Variants in CDC42BPA observed in about 807,000 individuals in gnomAD.
CDC42BPA encodes the protein serine/threonine-protein kinase MRCK alpha.
CDC42BPA carries 80 observed loss-of-function variants against 223.5 expected under a neutral mutation model. That is an observed-to-expected ratio of 0.36 (90% CI 0.30 to 0.43). CDC42BPA has a LOEUF of 0.43. CDC42BPA is among the 20% of genes least tolerant of loss of function. CDC42BPA has a pLI of 1.00. For missense variants in CDC42BPA, 1,743 were observed against 2,099.9 expected, an observed-to-expected ratio of 0.83 and a Z score of 3.32; for synonymous variants, 694 against 718.6, an observed-to-expected ratio of 0.97 and a Z score of 0.55.
chr1:227,069,205 A>C (rs965760035), intron 21 of CDC42BPA: 10 of 152,164 alleles, frequency 6.6e-5, no homozygotes, highest in African/African-American at 2.4e-4. Context: ...ACTGAGACAA[A>C]AATATACTTG....
chr1:227,272,287 C>T (rs1055848442), intron 1 of CDC42BPA, among the ~76,000 whole-genome samples: 2 of 152,144 alleles, frequency 1.3e-5, no homozygotes, highest in Non-Finnish European at 2.9e-5. Context: ...AAGTAACCTA[C>T]ATATACCACA....
intron 12 of CDC42BPA, among the ~76,000 whole-genome samples, chr1:227,118,750 TG>T (rs1445636084): frequency 1.3e-5 from 2 of 152,016 alleles, no homozygotes; most frequent in Non-Finnish European, 2.9e-5. Context: ...CCAATAAAAA[TG>T]GTAAACCATT....
intron 1 of CDC42BPA, among the ~76,000 whole-genome samples, chr1:227,309,678 A>G (rs932669460): frequency 7.9e-5 from 12 of 152,250 alleles, no homozygotes; most frequent in Admixed American, 6.5e-4. Context: ...CAACATCTAC[A>G]GTAATGAAAG....
chr1:227,036,407 A>G (rs1432963778), intron 24 of CDC42BPA, among the ~76,000 whole-genome samples: 18 of 148,526 alleles, frequency 1.2e-4, no homozygotes, highest in Admixed American at 1.1e-3. Flanking sequence ...GTCATCACAC[A>G]CAACTTCAAT....
At chr1:227,040,264 A>G in intron 23 of CDC42BPA, 28 bp from the exon 24 acceptor site, 1 of 1,395,642 alleles carries the variant, frequency 7.2e-7, no homozygotes, top group Non-Finnish European at 1.0e-6. Flanking sequence ...AAAAAAACAC[A>G]CAGATTGTTT....
intron 18 of CDC42BPA, 63 bp downstream of exon 18, chr1:227,074,196 A>G: frequency 7.2e-7 from 1 of 1,385,326 alleles, no homozygotes; most frequent in Admixed American, 1.9e-5. Flanking sequence ...GATTTATTAT[A>G]GTGTTTTTTA....
intron 12 of CDC42BPA, among the ~76,000 whole-genome samples, chr1:227,119,088 C>A (rs760798695): frequency 5.9e-5 from 9 of 152,100 alleles, no homozygotes; most frequent in Non-Finnish European, 8.8e-5. Context: ...TATATTACAT[C>A]ATTGAATACA....
At chr1:227,307,678 A>G (rs1006365284) in intron 1 of CDC42BPA, among the ~76,000 whole-genome samples, 1 of 152,222 alleles carries the variant, frequency 6.6e-6, no homozygotes, top group African/African-American at 2.4e-5. Flanking sequence ...AATATAATTT[A>G]GGAAACACTA....
chr1:227,074,457 G>A, intron 17 of CDC42BPA, 93 bp from the exon 18 acceptor site: 2 of 887,826 alleles, frequency 2.3e-6, no homozygotes, highest in Non-Finnish European at 3.5e-6. Context: ...ATAAGTGGTA[G>A]GAAATTCAAA....
chr1:227,177,272 T>A (rs1352730212), intron 5 of CDC42BPA, among the ~76,000 whole-genome samples: 20 of 152,168 alleles, frequency 1.3e-4, no homozygotes, highest in Admixed American at 1.2e-3. Flanking sequence ...GCATTTCTTG[T>A]AAGGAAGGCC....
rs377510854 is a variant in CDC42BPA, at chr1:227,317,383, ACATAT to A, written c.-206_-202del. The A allele has an allele frequency of 2.3e-3, 1,095 of 483,098 alleles. 10 individuals carry two copies. The highest frequency in any genetic ancestry group is 0.019 in the African/African-American group (962 of 50,918). 29.9% of individuals were successfully genotyped at this position (483,098 alleles called of 1,614,324 possible). ...GAAGCGTCTTCAATTTCACCCATAT[ACATAT>A]ATTTTGAGGGTAAATTACCATAAAA... On this transcript the variant is annotated 5_prime_UTR_variant, in exon 1 of 37. The change abolishes an upstream ATG in the 5' untranslated region. Coordinates refer to ENST00000366766, the MANE Select transcript of CDC42BPA (RefSeq NM_001394014.1).
intron 2 of CDC42BPA, among the ~76,000 whole-genome samples, chr1:227,230,258 T>C (rs1426081045): frequency 1.3e-5 from 2 of 152,210 alleles, no homozygotes; most frequent in Non-Finnish European, 2.9e-5. Context: ...ATTTATACTT[T>C]AGTCAAGGTT....
chr1:227,157,480 C>T (rs1187154824), intron 6 of CDC42BPA, among the ~76,000 whole-genome samples: 1 of 152,144 alleles, frequency 6.6e-6, no homozygotes, highest in East Asian at 1.9e-4. Context: ...CTCCTCTGTA[C>T]GTAATATGTC....
chr1:227,174,568 C>G (rs977301149), intron 5 of CDC42BPA, among the ~76,000 whole-genome samples: 2 of 152,042 alleles, frequency 1.3e-5, no homozygotes, highest in Non-Finnish European at 2.9e-5. Context: ...TAGGATTGCT[C>G]TATTTCCTAT....
At position 226,994,691 on chromosome 1, in the gene CDC42BPA, G is replaced by T; in HGVS notation, c.5133+132C>A. The T allele has an allele frequency of 1.0e-6, 1 of 970,980 alleles. No homozygotes were observed. Among genetic ancestry groups the T allele is most frequent in the Non-Finnish European group, 1.5e-6 (1 of 655,150 alleles). The allele number at this position is 970,980 out of a possible 1,614,324, so 60.1% of individuals were successfully genotyped here. A position where few individuals can be genotyped will look rare whatever the true frequency, so the allele number is the denominator to read the frequency against. Reference sequence around the variant, plus strand: ...CGAGTGACTGGCCTAGCTGCCCGCTGGCCAAGAGTGAATGCTGGCCCCTGA... The same window carrying T: ...CGAGTGACTGGCCTAGCTGCCCGCTTGCCAAGAGTGAATGCTGGCCCCTGA... On this transcript the variant is annotated intron_variant, in intron 36 of 36. Transcript: ENST00000366766. This position sits in a 1 kb window ranked among gnomAD's most constrained non-coding sequence, Gnocchi z 4.0.
chr1:227,031,182 A>T, intron 28 of CDC42BPA, 116 bp downstream of exon 28: 1 of 739,884 alleles, frequency 1.4e-6, no homozygotes, highest in Admixed American at 2.4e-5. Flanking sequence ...CTGAGCATTT[A>T]TGATATGATG....
intron 5 of CDC42BPA, among the ~76,000 whole-genome samples, chr1:227,179,603 T>G (rs917603601): frequency 9.1e-6 from 1 of 110,326 alleles, no homozygotes; most frequent in African/African-American, 3.6e-5. Context: ...GCCACTGCAC[T>G]CCAGCCTGGG....
intron 10 of CDC42BPA, 85 bp downstream of exon 10, chr1:227,139,491 A>G: frequency 1.1e-6 from 1 of 899,112 alleles, no homozygotes. Flanking sequence ...ATTTTTTTCA[A>G]AGATAAAACA....
chr1:226,991,348 C>G lies in CDC42BPA; in HGVS notation c.*2920G>C, dbSNP rs1442027722. 1.3e-5 allele frequency: 2 copies of G among 152,196 alleles called. No homozygotes were observed. The highest frequency in any genetic ancestry group is 2.9e-5 in the Non-Finnish European group (2 of 68,032). 9.4% of individuals were successfully genotyped at this position (152,196 alleles called of 1,614,324 possible). On this transcript the variant is annotated 3_prime_UTR_variant, in exon 37 of 37. Coordinates refer to ENST00000366766, the MANE Select transcript of CDC42BPA (RefSeq NM_001394014.1). ...TTATCTGTGAGCTGTGCTACTGACT[C>G]CTCTGAATGGTCATTATGTTTTCTT... is the stretch of plus-strand genomic sequence containing the variant.
Sources: allele counts gnomAD v4.1 joint callset (sites outside exome capture counted in the v4.1 genomes callset), GRCh38; gene constraint gnomAD v4.1.1; non-coding constraint Gnocchi (gnomAD v3.1); transcripts MANE v1.5; gene names NCBI Gene and HGNC (gene_info 2026-07-23, HGNC 2026-07-21).